The following AP3M2 variants were observed in gnomAD, a reference collection of about 807,000 sequenced individuals.
AP3M2 encodes AP-3 complex subunit mu-2.
AP3M2 carries 28 observed loss-of-function variants against 41.6 expected under a neutral mutation model. The ratio of observed to expected loss-of-function variants is 0.67; its 90% CI spans 0.50 to 0.92. The LOEUF (loss-of-function observed/expected upper bound fraction) is 0.92, where lower values mean the gene tolerates loss of function less well. Ranked by LOEUF, AP3M2 falls within the 40% of genes least tolerant of loss-of-function variation. The pLI is 0.00. For missense variants in AP3M2, 427 were observed against 521.4 expected (o/e 0.82, Z 1.76); for synonymous variants, 193 against 186.4 (o/e 1.04, Z -0.29).
intron 8 of AP3M2, 27 bp downstream of exon 8, chr8:42,167,837 C>A (rs1804683275): frequency 1.3e-6 from 2 of 1,584,636 alleles, no homozygotes; most frequent in South Asian, 2.3e-5. Context: ...TCAAGAGGCT[C>A]CAAAGGGAAC....
At chr8:42,154,165 G>C (rs1804291169) in intron 1 of AP3M2, 1 of 155,468 alleles carries the variant, frequency 6.4e-6, no homozygotes, top group Non-Finnish European at 1.4e-5. Context: ...CACCTTTCAA[G>C]TGCTCGCTGG....
chr8:42,155,403 C>T (rs922459999), intron 2 of AP3M2, among the ~76,000 whole-genome samples: 6 of 152,208 alleles, frequency 3.9e-5, no homozygotes, highest in African/African-American at 1.2e-4. Flanking sequence ...AGGGGTAACT[C>T]ATGAACCTGT....
At chr8:42,158,926 T>G (rs1310881283) in intron 3 of AP3M2, among the ~76,000 whole-genome samples, 1 of 152,054 alleles carries the variant, frequency 6.6e-6, no homozygotes, top group Non-Finnish European at 1.5e-5. Context: ...CCCGAGTAGC[T>G]GGGATTACAG....
At chr8:42,168,282 A>G (rs1265069476) in intron 8 of AP3M2, 6 of 453,850 alleles carry the variant, frequency 1.3e-5, no homozygotes, top group African/African-American at 2.0e-5. Flanking sequence ...CGACCTTAGC[A>G]CGGTAGTCAT....
chr8:42,163,009 C>T (rs62507969), intron 4 of AP3M2, among the ~76,000 whole-genome samples: 8,853 of 148,008 alleles, frequency 0.06, 360 homozygotes, highest in Middle Eastern at 0.21. Flanking sequence ...ATTACCTTCT[C>T]GAAAGTATTT....
At chr8:42,156,860 G>GA (rs1804367614) in intron 2 of AP3M2, among the ~76,000 whole-genome samples, 2 of 152,014 alleles carry the variant, frequency 1.3e-5, no homozygotes, top group South Asian at 2.1e-4. Flanking sequence ...GCCCTGAGAA[G>GA]AAAAAAACTG....
At chr8:42,165,984 T>C (rs1340117687) in intron 6 of AP3M2, among the ~76,000 whole-genome samples, 1 of 152,242 alleles carries the variant, frequency 6.6e-6, no homozygotes, top group Non-Finnish European at 1.5e-5. Context: ...TTGAACATTC[T>C]CTTTAATTTG....
chr8:42,165,332 G>A, intron 5 of AP3M2, 95 bp from the exon 6 acceptor site: 2 of 1,484,068 alleles, frequency 1.3e-6, no homozygotes, highest in Non-Finnish European at 1.8e-6. Context: ...TGTGTGTGGT[G>A]TGTTTTAATT....
intron 7 of AP3M2, 97 bp from the exon 8 acceptor site, chr8:42,167,569 A>G (rs540053102): frequency 1.4e-6 from 2 of 1,464,802 alleles, no homozygotes; most frequent in African/African-American, 2.8e-5. Context: ...TGTTGTGGAC[A>G]GGTGCCCTGA....
intron 6 of AP3M2, chr8:42,166,912 T>A: frequency 2.0e-6 from 1 of 491,870 alleles, no homozygotes. Flanking sequence ...TTTGTCATAG[T>A]AGTGTACTTT....
rs970405901 is a variant in AP3M2 at position 42,154,630 on chromosome 8, A to G, written c.-58A>G. ...TTTGTTTTTAGAGTTGAAAACTTAC[A>G]GAGTCCTGAGGCTTTCAGACTGAAA... On this transcript the variant is annotated 5_prime_UTR_variant, in exon 2 of 9. Coordinates refer to ENST00000396926, the MANE Select transcript of AP3M2 (RefSeq NM_006803.4). 23 of 1,574,582 alleles carry G rather than the reference A, an allele frequency of 1.5e-5. No homozygotes were observed. Among genetic ancestry groups the G allele is most frequent in the African/African-American group, 5.5e-5 (4 of 73,058 alleles).
intron 3 of AP3M2, among the ~76,000 whole-genome samples, chr8:42,159,040 C>A (rs1320499509): frequency 6.6e-6 from 1 of 152,148 alleles, no homozygotes. Flanking sequence ...AGTGATCCAC[C>A]CACCTTGGCC....
At chr8:42,157,842 G>A (rs1029473326) in intron 2 of AP3M2, 99 bp from the exon 3 acceptor site, 2 of 1,193,506 alleles carry the variant, frequency 1.7e-6, no homozygotes, top group Non-Finnish European at 2.3e-6. Flanking sequence ...AGAAACACAT[G>A]GACAGGCCAG....
intron 8 of AP3M2, chr8:42,168,072 A>G (rs1311888787): frequency 3.5e-6 from 2 of 575,442 alleles, no homozygotes; most frequent in East Asian, 6.8e-5. Flanking sequence ...GGAAGTATTC[A>G]CTAGCCATTT....
chr8:42,153,398 C>G (rs1477928966), intron 1 of AP3M2: 1 of 152,240 alleles, frequency 6.6e-6, no homozygotes, highest in Non-Finnish European at 1.5e-5. Flanking sequence ...CCCTGCCCGC[C>G]TGCGCCCCGC....
At chr8:42,165,243 A>AG in intron 5 of AP3M2, 87 bp downstream of exon 5, 3 of 1,482,176 alleles carry the variant, frequency 2.0e-6, no homozygotes, top group Non-Finnish European at 2.8e-6. Flanking sequence ...GAATAGAACA[A>AG]GAAGAAATAA....
At chr8:42,156,187 G>A (rs528482678) in intron 2 of AP3M2, 3 of 350,614 alleles carry the variant, frequency 8.6e-6, no homozygotes, top group East Asian at 7.9e-5. Context: ...ACTGACAGCC[G>A]CTATATGGCC....
chr8:42,170,808 CCT>C lies in AP3M2; in HGVS notation c.*1751_*1752del, dbSNP rs1804778478. 1.3e-5 allele frequency: 2 copies of C among 152,232 alleles called. No homozygotes were observed. The highest frequency in any genetic ancestry group is 2.9e-5 in the Non-Finnish European group (2 of 68,040). 9.4% of individuals were successfully genotyped at this position (152,232 alleles called of 1,614,324 possible). On this transcript the variant is annotated 3_prime_UTR_variant, in exon 9 of 9. Transcript: ENST00000396926. ...GTGGATTCTCAAGTACTTGGAAGCACCTCTCCTGAGGAACCTACAGGATTCTA... is the reference window on the plus strand; with the variant it reads ...GTGGATTCTCAAGTACTTGGAAGCACCTCCTGAGGAACCTACAGGATTCTA...
Position 42,154,718 on chromosome 8 carries a change from TCTGGAGACATTTTC to T in AP3M2, c.39_52del (p.Asp13GlufsTer13). ...CCATAGTCTTTTCTTGATCAACTCC[TCTGGAGACATTTTC>T]CTGGAGAAACATTGGAAAAGTGTGG... On this transcript the variant is annotated frameshift_variant, in exon 2 of 9. Transcript: ENST00000396926. LOFTEE classifies it high-confidence loss of function. The T allele has an allele frequency of 1.9e-6, 3 of 1,614,192 alleles. No individual in the cohort carries two copies. The highest frequency in any genetic ancestry group is 2.5e-6 in the Non-Finnish European group (3 of 1,180,038).
Sources: gnomAD v4.1 joint callset for allele counts (sites outside exome capture counted in the v4.1 genomes callset) on GRCh38, gnomAD v4.1.1 for gene constraint, MANE v1.5 for transcripts, NCBI Gene and HGNC (gene_info 2026-07-23, HGNC 2026-07-21) for gene names.